KCNMB2: variants seen among roughly 807,000 people sequenced by gnomAD.
KCNMB2 encodes the protein potassium calcium-activated channel subfamily M regulatory beta subunit 2, also known as calcium-activated potassium channel subunit beta-2.
KCNMB2 carries 9 observed loss-of-function variants against 24.5 expected under a neutral mutation model. The observed-to-expected ratio is 0.37, with a 90% CI of 0.22 to 0.64. The LOEUF (loss-of-function observed/expected upper bound fraction) is 0.64. Among genes scored for constraint, KCNMB2 ranks in the 30% least tolerant of loss-of-function variants. The pLI is 0.63. For synonymous variants in KCNMB2, 109 were observed against 104.4 expected (o/e 1.04, Z -0.27); for missense variants, 226 against 284.3 (o/e 0.79, Z 1.47).
chr3:178,823,622 A>G (rs570853279), intron 2 of KCNMB2, among the ~76,000 whole-genome samples: 189 of 152,324 alleles, frequency 1.2e-3, no homozygotes, highest in Admixed American at 3.3e-3. Flanking sequence ...TACACACTCC[A>G]TCACCTCTAT....
intron 1 of KCNMB2, among the ~76,000 whole-genome samples, chr3:178,750,921 T>C (rs1057460508): frequency 2.0e-4 from 31 of 152,240 alleles, no homozygotes; most frequent in African/African-American, 6.8e-4. Flanking sequence ...GAGTACACCA[T>C]AGCACTTTCT....
At chr3:178,637,109 G>A (rs1719555838) in intron 1 of KCNMB2, among the ~76,000 whole-genome samples, 1 of 152,008 alleles carries the variant, frequency 6.6e-6, no homozygotes, top group Non-Finnish European at 1.5e-5. Context: ...TATCATTGAT[G>A]GGCATTTAGG....
chr3:178,772,983 C>T lies in KCNMB2; in HGVS notation c.-67-34360C>T, dbSNP rs182993410. 6.9e-4 allele frequency among the ~76,000 whole-genome samples: 105 copies of T among 152,200 alleles called. No individual in the cohort carries two copies. The South Asian group carries it at 0.015, about 21-fold the overall frequency. ...CTCTGTCTCTTCAAAGACTTCAAAG[C>T]TCTGAGTTTTTCCTGTTGACAGTTT... is the stretch of plus-strand genomic sequence containing the variant. On this transcript the variant is annotated intron_variant, in intron 1 of 4. Coordinates refer to ENST00000452583, the MANE Select transcript of KCNMB2 (RefSeq NM_181361.3).
chr3:178,654,249 C>A (rs9861190), intron 1 of KCNMB2, among the ~76,000 whole-genome samples: 117,941 of 152,080 alleles, frequency 0.78, 46,625 homozygotes, highest in African/African-American at 0.95. Context: ...CCTTGCCATA[C>A]GTTGATTCTT....
chr3:178,757,201 T>G (rs1724094601), intron 1 of KCNMB2: 1 of 142,362 alleles, frequency 7.0e-6, no homozygotes, highest in South Asian at 2.2e-4. Context: ...AAAAAAACAG[T>G]TACAATCAAA....
At position 178,842,846 on chromosome 3, in the gene KCNMB2, T is replaced by C. The variant is rs992066525; in HGVS notation, c.617T>C (p.Met206Thr). ...CATTCACTCTTCTGGCCAACCTGTA[T>C]GATGGCTGGGGGTGTGGCAATTGTT... ...LFHSLFWPTC[M>T]MAGGVAIVAM... Residue 206 changes from methionine to threonine, a missense_variant, in exon 5 of 5, where the codon ATG becomes ACG. Transcript: ENST00000452583. 5.6e-6 allele frequency: 9 copies of C among 1,613,848 alleles called. 1 individual carries two copies. The Middle Eastern group carries it at 1.3e-3, about 237-fold the overall frequency.
chr3:178,699,515 C>T (rs934992168), intron 1 of KCNMB2, among the ~76,000 whole-genome samples: 2 of 152,190 alleles, frequency 1.3e-5, no homozygotes, highest in African/African-American at 4.8e-5. Context: ...GAGCTCTGTG[C>T]CAGTCAGGTA....
intron 1 of KCNMB2, among the ~76,000 whole-genome samples, chr3:178,625,117 G>A (rs1373920039): frequency 1.3e-5 from 2 of 151,814 alleles, no homozygotes; most frequent in African/African-American, 2.4e-5. Context: ...CCTCTGCCTG[G>A]CCCTTCTTCC....
intron 1 of KCNMB2, among the ~76,000 whole-genome samples, chr3:178,550,350 C>T (rs570728949): frequency 1.5e-3 from 223 of 149,968 alleles, no homozygotes; most frequent in African/African-American, 5.2e-3. Context: ...CCCAGCTACT[C>T]GGGAGGCTGA....
chr3:178,701,622 C>T (rs1380421720), intron 1 of KCNMB2, among the ~76,000 whole-genome samples: 1 of 151,780 alleles, frequency 6.6e-6, no homozygotes, highest in Non-Finnish European at 1.5e-5. Flanking sequence ...CGAACAGACA[C>T]TTCTCAAAAG....
chr3:178,753,766 T>G (rs921662794), intron 1 of KCNMB2, among the ~76,000 whole-genome samples: 1 of 152,152 alleles, frequency 6.6e-6, no homozygotes, highest in Non-Finnish European at 1.5e-5. Context: ...AACATATTCA[T>G]TACCTCACAT....
At chr3:178,769,738 GT>G (rs1452726987) in intron 1 of KCNMB2, among the ~76,000 whole-genome samples, 1 of 152,152 alleles carries the variant, frequency 6.6e-6, no homozygotes, top group Non-Finnish European at 1.5e-5. Flanking sequence ...GGAAGAAAAA[GT>G]GCTGAAGAAT....
intron 1 of KCNMB2, among the ~76,000 whole-genome samples, chr3:178,686,243 A>C (rs1380677133): frequency 6.6e-6 from 1 of 152,246 alleles, no homozygotes; most frequent in African/African-American, 2.4e-5. Context: ...TATTTAATAA[A>C]GTTCTACGTG....
intron 1 of KCNMB2, among the ~76,000 whole-genome samples, chr3:178,768,020 CTT>C (rs11291814): frequency 6.1e-5 from 9 of 148,146 alleles, no homozygotes; most frequent in African/African-American, 1.5e-4. Flanking sequence ...CTTGCCCAGT[CTT>C]TTTTTTTTTT....
intron 2 of KCNMB2, among the ~76,000 whole-genome samples, chr3:178,824,066 T>C (rs547351666): frequency 6.6e-5 from 10 of 152,304 alleles, no homozygotes; most frequent in African/African-American, 2.4e-4. Flanking sequence ...AATCATGAGC[T>C]GTTTCTTGGT....
chr3:178,585,409 T>A (rs1295344930), intron 1 of KCNMB2, among the ~76,000 whole-genome samples: 2 of 152,180 alleles, frequency 1.3e-5, no homozygotes, highest in Non-Finnish European at 2.9e-5. Context: ...TTCACTAGAC[T>A]AGAGAACTTC....
intron 1 of KCNMB2, among the ~76,000 whole-genome samples, chr3:178,652,945 G>C (rs950010637): frequency 5.3e-5 from 8 of 152,062 alleles, no homozygotes; most frequent in African/African-American, 1.7e-4. Flanking sequence ...TTACAGGCGT[G>C]AGCCACTGCT....
At chr3:178,757,022 G>A (rs1463143400) in intron 1 of KCNMB2, 1 of 151,338 alleles carries the variant, frequency 6.6e-6, no homozygotes. Flanking sequence ...AAAATTCTTG[G>A]AAATATATAT....
At chr3:178,686,227 C>T (rs772705937) in intron 1 of KCNMB2, among the ~76,000 whole-genome samples, 1 of 152,172 alleles carries the variant, frequency 6.6e-6, no homozygotes, top group African/African-American at 2.4e-5. Context: ...GAAAAGCATA[C>T]ACATTTATTT....
Sources: gnomAD v4.1 joint callset for allele counts (sites outside exome capture counted in the v4.1 genomes callset) on GRCh38, gnomAD v4.1.1 for gene constraint, MANE v1.5 for transcripts, NCBI Gene and HGNC (gene_info 2026-07-23, HGNC 2026-07-21) for gene names.